Variants in RIGI observed in about 807,000 individuals in gnomAD.
RIGI encodes RNA sensor RIG-I.
the RIGI span, among the ~76,000 whole-genome samples, chr9:32,479,762 G>A: frequency 5.9e-5 from 9 of 151,388 alleles, no homozygotes; most frequent in Non-Finnish European, 1.0e-4. Flanking sequence ...GCCTGAATCC[G>A]GGAGGCAGAG....
the RIGI span, chr9:32,491,340 C>T: frequency 3.1e-6 from 5 of 1,613,520 alleles, no homozygotes; most frequent in Non-Finnish European, 4.2e-6. Flanking sequence ...TTCTGGCATT[C>T]TGGATCTTCT....
the RIGI span, among the ~76,000 whole-genome samples, chr9:32,466,785 C>T: frequency 5.4e-4 from 81 of 149,358 alleles, no homozygotes; most frequent in Admixed American, 1.5e-3. Context: ...CTTAGGCTGG[C>T]TTTCTCAGGG....
the RIGI span, among the ~76,000 whole-genome samples, chr9:32,503,932 C>G: frequency 6.6e-6 from 1 of 151,926 alleles, no homozygotes; most frequent in Non-Finnish European, 1.5e-5. Context: ...ATCCCAGCTA[C>G]TCGGGAGGCT....
chr9:32,516,436 G>A, the RIGI span, among the ~76,000 whole-genome samples: 1 of 152,248 alleles, frequency 6.6e-6, no homozygotes, highest in South Asian at 2.1e-4. Flanking sequence ...TTGTGGCTGG[G>A]TTGCTGTGGT....
chr9:32,500,662 C>T, the RIGI span: 1 of 979,298 alleles, frequency 1.0e-6, no homozygotes. Flanking sequence ...TATCATCTGC[C>T]TAAAAACAGT....
At chr9:32,456,534 T>G in the RIGI span, 2 of 154,314 alleles carry the variant, frequency 1.3e-5, no homozygotes, top group African/African-American at 4.8e-5. Context: ...TGTATATATA[T>G]TGAACCCTTG....
At chr9:32,478,478 A>G in the RIGI span, among the ~76,000 whole-genome samples, 2 of 152,228 alleles carry the variant, frequency 1.3e-5, no homozygotes, top group Non-Finnish European at 2.9e-5. Flanking sequence ...GTTCAATGAC[A>G]TCATGTTGGT....
chr9:32,487,002 C>A, the RIGI span, among the ~76,000 whole-genome samples: 1 of 152,104 alleles, frequency 6.6e-6, no homozygotes, highest in Non-Finnish European at 1.5e-5. Context: ...ATAATAACAT[C>A]AATAAACAAC....
At chr9:32,457,816 G>C in the RIGI span, among the ~76,000 whole-genome samples, 1 of 152,186 alleles carries the variant, frequency 6.6e-6, no homozygotes. Context: ...AAACGACCAA[G>C]GTCAAGATGC....
the RIGI span, among the ~76,000 whole-genome samples, chr9:32,471,167 A>G: frequency 6.6e-6 from 1 of 152,262 alleles, no homozygotes; most frequent in East Asian, 1.9e-4. Flanking sequence ...CTGAGGCATG[A>G]GAATCACTTG....
the RIGI span, among the ~76,000 whole-genome samples, chr9:32,522,152 T>TGGACTGAACTAATGTG: frequency 2.6e-5 from 4 of 152,032 alleles, no homozygotes; most frequent in Non-Finnish European, 4.4e-5. Context: ...GTTGATTGCA[T>TGGACTGAACTAATGTG]GGACTGAACT....
At chr9:32,524,966 C>T in the RIGI span, among the ~76,000 whole-genome samples, 1 of 152,094 alleles carries the variant, frequency 6.6e-6, no homozygotes, top group East Asian at 1.9e-4. Context: ...GAATGCAGCA[C>T]CTGGGCAAAC....
At chr9:32,523,683 C>G in the RIGI span, among the ~76,000 whole-genome samples, 1 of 152,264 alleles carries the variant, frequency 6.6e-6, no homozygotes, top group Non-Finnish European at 1.5e-5. Flanking sequence ...TTTTTCCACT[C>G]TGCTGTCCTG....
At chr9:32,464,400 GT>G in the RIGI span, among the ~76,000 whole-genome samples, 1 of 151,722 alleles carries the variant, frequency 6.6e-6, no homozygotes, top group African/African-American at 2.4e-5. Context: ...TTTTTTGTTT[GT>G]TTTTTTGAGA....
At chr9:32,516,738 G>A in the RIGI span, among the ~76,000 whole-genome samples, 1 of 152,322 alleles carries the variant, frequency 6.6e-6, no homozygotes, top group South Asian at 2.1e-4. Flanking sequence ...ACTCTAGAGA[G>A]CGTGTTTGTA....
chr9:32,524,184 C>G, the RIGI span, among the ~76,000 whole-genome samples: 2 of 152,126 alleles, frequency 1.3e-5, no homozygotes, highest in Non-Finnish European at 2.9e-5. Context: ...ACACTAATCA[C>G]TATTAGGGCA....
chr9:32,460,322 C>G, the RIGI span, among the ~76,000 whole-genome samples: 6 of 152,110 alleles, frequency 3.9e-5, no homozygotes, highest in Non-Finnish European at 8.8e-5. Context: ...AACCTTTTTT[C>G]TCTCTCCCCT....
the RIGI span, among the ~76,000 whole-genome samples, chr9:32,518,170 C>T: frequency 6.6e-6 from 1 of 151,984 alleles, no homozygotes; most frequent in Admixed American, 6.6e-5. Flanking sequence ...AAAATTTTAT[C>T]TAACTCAGAA....
the RIGI span, among the ~76,000 whole-genome samples, chr9:32,458,861 C>G: frequency 3.3e-5 from 5 of 151,206 alleles, no homozygotes; most frequent in Non-Finnish European, 2.9e-5. Context: ...AGGAGCTAAT[C>G]CAGGACACGT....
Sources: gnomAD v4.1 joint callset for allele counts (sites outside exome capture counted in the v4.1 genomes callset) on GRCh38, gnomAD v4.1.1 for gene constraint, MANE v1.5 for transcripts, NCBI Gene and HGNC (gene_info 2026-07-23, HGNC 2026-07-21) for gene names.